ASRGL1: variants seen among roughly 807,000 people sequenced by gnomAD.
ASRGL1 encodes isoaspartyl peptidase/L-asparaginase.
A neutral mutation model predicts 22.4 loss-of-function variants in ASRGL1; 16 were observed. That is an observed-to-expected ratio of 0.71 (90% CI 0.48 to 1.08). The LOEUF is 1.08. Among genes scored for constraint, ASRGL1 ranks in the 50% least tolerant of loss-of-function variants. ASRGL1 has a pLI of 0.00. For missense variants in ASRGL1, 412 were observed against 410.1 expected (o/e 1.00, Z -0.04); for synonymous variants, 165 against 159.3 (o/e 1.04, Z -0.27).
At chr11:62,361,696 C>T (rs946440844) in intron 4 of ASRGL1, among the ~76,000 whole-genome samples, 2 of 151,910 alleles carry the variant, frequency 1.3e-5, no homozygotes, top group African/African-American at 4.8e-5. Context: ...CCATGTTGGC[C>T]AGGCTGGTCT....
chr11:62,395,459 A>G (rs1947421188), downstream of ASRGL1, among the ~76,000 whole-genome samples: 1 of 152,124 alleles, frequency 6.6e-6, no homozygotes, highest in Non-Finnish European at 1.5e-5. Context: ...GGCTGCAGAG[A>G]AGAGTCCTGG....
rs1590740345 is a variant in ASRGL1 at position 62,371,325 on chromosome 11, C to T, written c.491+14181C>T. On this transcript the variant is annotated intron_variant, in intron 4 of 6. Transcript: ENST00000415229. ...ACGGCCTGGAGCTCGACGGGGCCCC[C>T]GGCAGGGGCAAGCGCGCGGCGCAGC... The T allele has an allele frequency of 3.8e-6, 5 of 1,299,470 alleles. No individual in the cohort carries two copies. In the Admixed American group the frequency reaches 1.1e-4, roughly 28 times the overall value. The allele number at this position is 1,299,470 out of a possible 1,614,324, so 80.5% of individuals were successfully genotyped here.
rs375297735 is a variant in ASRGL1 at position 62,378,425 on chromosome 11, T to A, written c.492-10708T>A. On this transcript the variant is annotated intron_variant, in intron 4 of 6. Coordinates refer to ENST00000415229, the MANE Select transcript of ASRGL1 (RefSeq NM_001083926.2). ...AGAGCTTGACAAATAGTTGGACTAT[T>A]AAGCATTCCCTGAGGTAACACTTTC... Among the ~76,000 whole-genome samples, 146 of 151,952 alleles carry A rather than the reference T, an allele frequency of 9.6e-4. 1 individual carries two copies. Among genetic ancestry groups the A allele is most frequent in the African/African-American group, 2.6e-3 (108 of 41,220 alleles).
intron 4 of ASRGL1, chr11:62,372,940 C>T: frequency 6.5e-7 from 1 of 1,529,978 alleles, no homozygotes; most frequent in East Asian, 2.3e-5. Context: ...ATCATTGTGG[C>T]AGCCGATGAG....
chr11:62,391,466 T>C, intron 5 of ASRGL1, 56 bp from the exon 6 acceptor site: 1 of 1,551,680 alleles, frequency 6.4e-7, no homozygotes, highest in Non-Finnish European at 8.7e-7. Flanking sequence ...CGACTTCTAA[T>C]ATGGATTTGA....
chr11:62,339,610 G>T (rs551928115), intron 2 of ASRGL1, among the ~76,000 whole-genome samples: 1 of 152,176 alleles, frequency 6.6e-6, no homozygotes, highest in South Asian at 2.1e-4. Flanking sequence ...CTCTTAAGTT[G>T]GTTAACTTGT....
intron 2 of ASRGL1, among the ~76,000 whole-genome samples, chr11:62,341,962 T>G (rs1754195469): frequency 6.6e-6 from 1 of 152,182 alleles, no homozygotes; most frequent in Non-Finnish European, 1.5e-5. Flanking sequence ...ATTCGAACAT[T>G]AATTTATTTT....
downstream of ASRGL1, among the ~76,000 whole-genome samples, chr11:62,395,694 A>C (rs1947424110): frequency 6.7e-6 from 1 of 148,806 alleles, no homozygotes; most frequent in Non-Finnish European, 1.5e-5. Context: ...TGCTCCTCTG[A>C]AGTCCTCCCA....
chr11:62,367,936 C>T (rs578009750), intron 4 of ASRGL1, among the ~76,000 whole-genome samples: 11 of 152,180 alleles, frequency 7.2e-5, no homozygotes, highest in Non-Finnish European at 1.0e-4. Context: ...AGCGAGACTC[C>T]GTCTCAAAAA....
In ASRGL1 at chr11:62,338,813, T is replaced by C. The variant is rs140408088; in HGVS notation, c.190+646T>C. Among the ~76,000 whole-genome samples the C allele has an allele frequency of 1.3e-5, 2 of 148,508 alleles. 1 individual carries two copies. The highest frequency in any genetic ancestry group is 5.0e-5 in the African/African-American group (2 of 40,186). On this transcript the variant is annotated intron_variant, in intron 2 of 6. Transcript: ENST00000415229. ...AAAAAAAAAAAGCCAGGCGTGGTGC[T>C]AGGAGCCTGTAACCCCAGCTACTCG...
intron 4 of ASRGL1, 105 bp from the exon 5 acceptor site, chr11:62,389,028 A>G: frequency 1.0e-6 from 1 of 966,930 alleles, no homozygotes; most frequent in South Asian, 1.6e-5. Context: ...TGGGTGCCCC[A>G]TCAACATATA....
At chr11:62,383,602 C>CAAAAAAAAAAAAAAAAAAAAA (rs35096038) in intron 4 of ASRGL1, among the ~76,000 whole-genome samples, 1 of 21,930 alleles carries the variant, frequency 4.6e-5, no homozygotes, top group Non-Finnish European at 7.3e-5. Flanking sequence ...GACTCCTACT[C>CAAAAAAAAAAAAAAAAAAAAA]AAAAAAAAAA....
the ASRGL1 span, among the ~76,000 whole-genome samples, chr11:62,398,819 C>CCTCATGA: frequency 1.3e-5 from 2 of 152,212 alleles, no homozygotes; most frequent in Non-Finnish European, 2.9e-5. Context: ...ACCCTGGATG[C>CCTCATGA]CTCATGACTA....
chr11:62,399,183 T>C, the ASRGL1 span, among the ~76,000 whole-genome samples: 2 of 152,000 alleles, frequency 1.3e-5, no homozygotes, highest in African/African-American at 4.8e-5. Context: ...GCCACTGCAC[T>C]CCAGCCTGGG....
chr11:62,337,971 C>T lies in ASRGL1; in HGVS notation c.-7C>T, dbSNP rs1590696349. On this transcript the variant is annotated 5_prime_UTR_variant, in exon 2 of 7. Transcript: ENST00000415229. ...TTTCGCCTTCCTGCTGCCTAGGATC[C>T]GCCGACATGAATCCCATCGTAGTGG... is the stretch of plus-strand genomic sequence containing the variant. 1 of 1,590,120 alleles carries T rather than the reference C, an allele frequency of 6.3e-7. No homozygotes were observed.
chr11:62,375,994 C>T lies in ASRGL1; in HGVS notation c.492-13139C>T, dbSNP rs188414847. ...GCACGCGCCTGTAATCCCAGCTACT[C>T]AGGAGGCTGAGACAGGAGAATTGCT... is the stretch of plus-strand genomic sequence containing the variant. On this transcript the variant is annotated intron_variant, in intron 4 of 6. Transcript: ENST00000415229. Among the ~76,000 whole-genome samples the T allele has an allele frequency of 4.6e-3, 696 of 150,954 alleles. 6 individuals are homozygous for T. Among genetic ancestry groups the T allele is most frequent in the Middle Eastern group, 0.031 (9 of 292 alleles).
intron 2 of ASRGL1, among the ~76,000 whole-genome samples, chr11:62,351,683 G>A (rs999728889): frequency 6.6e-6 from 1 of 151,672 alleles, no homozygotes; most frequent in Non-Finnish European, 1.5e-5. Context: ...TTTGGTGGGG[G>A]TGGGGACAAG....
chr11:62,337,964 T>C lies in ASRGL1; in HGVS notation c.-14T>C. ...ACGACGCTTTCGCCTTCCTGCTGCCTAGGATCCGCCGACATGAATCCCATC... is the reference window on the plus strand; with the variant it reads ...ACGACGCTTTCGCCTTCCTGCTGCCCAGGATCCGCCGACATGAATCCCATC... On this transcript the variant is annotated 5_prime_UTR_variant, in exon 2 of 7. Coordinates refer to ENST00000415229, the MANE Select transcript of ASRGL1 (RefSeq NM_001083926.2). The C allele has an allele frequency of 6.3e-7, 1 of 1,583,948 alleles. No homozygotes were observed. Among genetic ancestry groups the C allele is most frequent in the Non-Finnish European group, 8.6e-7 (1 of 1,165,310 alleles).
chr11:62,356,413 C>T lies in ASRGL1; in HGVS notation c.279C>T (p.Ser93=), dbSNP rs773395680. Residue 93 remains serine, a synonymous_variant, in exon 3 of 7, where the codon TCC becomes TCT. Coordinates refer to ENST00000415229, the MANE Select transcript of ASRGL1 (RefSeq NM_001083926.2). ...AAGACCTGTCTGCAGGAGCAGTGTCCGCAGTCCAGTGTATAGCAAATCCCA... is the reference window on the plus strand; with the variant it reads ...AAGACCTGTCTGCAGGAGCAGTGTCTGCAGTCCAGTGTATAGCAAATCCCA... The part of the protein sequence containing the change: ...DGKDLSAGAV[S]AVQCIANPIK... 38 of 1,614,040 alleles carry T rather than the reference C, an allele frequency of 2.4e-5. No homozygotes were observed. Among genetic ancestry groups the T allele is most frequent in the Admixed American group, 1.3e-4 (8 of 60,008 alleles).
Sources: allele counts gnomAD v4.1 joint callset (sites outside exome capture counted in the v4.1 genomes callset), GRCh38; gene constraint gnomAD v4.1.1; transcripts MANE v1.5; gene names NCBI Gene and HGNC (gene_info 2026-07-23, HGNC 2026-07-21).